The following PPP1CB variants were observed in gnomAD, a reference collection of about 807,000 sequenced individuals.
The protein encoded by PPP1CB is serine/threonine-protein phosphatase PP1-beta catalytic subunit.
PPP1CB carries 2 observed loss-of-function variants against 43.7 expected under a neutral mutation model. The observed-to-expected ratio is 0.05, with a 90% CI of 0.02 to 0.14. The LOEUF is 0.14. Among genes scored for constraint, PPP1CB ranks in the 10% least tolerant of loss-of-function variants. PPP1CB has a pLI of 1.00. For synonymous variants in PPP1CB, 136 were observed against 135.6 expected, an observed-to-expected ratio of 1.00 and a Z score of -0.02; for missense variants, 84 against 398.0, an observed-to-expected ratio of 0.21 and a Z score of 6.71.
At chr2:28,791,619 C>T (rs575830745) in intron 6 of PPP1CB, among the ~76,000 whole-genome samples, 4 of 152,238 alleles carry the variant, frequency 2.6e-5, no homozygotes, top group Admixed American at 2.6e-4. Context: ...CGAGCCACCT[C>T]GCCCGGCCTG....
chr2:28,796,493 C>A (rs996524811), intron 7 of PPP1CB, among the ~76,000 whole-genome samples: 4 of 152,016 alleles, frequency 2.6e-5, no homozygotes, highest in African/African-American at 9.7e-5. Context: ...TTGTAGAGAT[C>A]TTTCACCTCC....
chr2:28,777,787 G>A (rs1667072868), intron 2 of PPP1CB, among the ~76,000 whole-genome samples: 1 of 152,144 alleles, frequency 6.6e-6, no homozygotes, highest in Admixed American at 6.5e-5. Flanking sequence ...TGAGTAGCTG[G>A]GATTACAGGT....
At chr2:28,761,377 G>T (rs1395896251) in intron 1 of PPP1CB, among the ~76,000 whole-genome samples, 1 of 152,174 alleles carries the variant, frequency 6.6e-6, no homozygotes, top group Non-Finnish European at 1.5e-5. Flanking sequence ...AATAAGTATT[G>T]ATACATTGGG....
At chr2:28,773,094 C>T (rs1666948533) in intron 1 of PPP1CB, among the ~76,000 whole-genome samples, 1 of 152,172 alleles carries the variant, frequency 6.6e-6, no homozygotes, top group African/African-American at 2.4e-5. Flanking sequence ...TTGCAGGAAG[C>T]ATTCTGTACC....
At position 28,752,145 on chromosome 2, in the gene PPP1CB, C is replaced by T. The variant is rs1407095225; in HGVS notation, c.21C>T (p.Asn7=). 1.3e-6 allele frequency: 2 copies of T among 1,549,272 alleles called. No homozygotes were observed. Among genetic ancestry groups the T allele is most frequent in the African/African-American group, 1.4e-5 (1 of 72,768 alleles). MADGEL[N]VDSLITRLLE... ...ACAAGATGGCGGACGGGGAGCTGAA[C>T]GTGGACAGCCTCATCACCCGGCTGC... is the stretch of plus-strand genomic sequence containing the variant. Residue 7 remains asparagine, a synonymous_variant, in exon 1 of 8, where the codon AAC becomes AAT. Transcript: ENST00000395366.
intron 1 of PPP1CB, among the ~76,000 whole-genome samples, chr2:28,755,815 A>G (rs1179934681): frequency 1.3e-5 from 2 of 152,190 alleles, no homozygotes; most frequent in Non-Finnish European, 2.9e-5. Flanking sequence ...GTTCCCAACC[A>G]CAGTCTTGAT....
At chr2:28,754,087 T>C (rs1007580400) in intron 1 of PPP1CB, among the ~76,000 whole-genome samples, 1 of 152,214 alleles carries the variant, frequency 6.6e-6, no homozygotes, top group South Asian at 2.1e-4. Flanking sequence ...TTTAAAAATA[T>C]GTTTGTATCT....
chr2:28,752,521 C>T (rs976164875), intron 1 of PPP1CB, among the ~76,000 whole-genome samples: 7 of 152,166 alleles, frequency 4.6e-5, no homozygotes, highest in African/African-American at 1.7e-4. Flanking sequence ...TCCGGTGACC[C>T]GAGGATGGGG....
At chr2:28,771,135 C>T (rs987953383) in intron 1 of PPP1CB, among the ~76,000 whole-genome samples, 1 of 147,546 alleles carries the variant, frequency 6.8e-6, no homozygotes, top group African/African-American at 2.5e-5. Context: ...CTCACTGCCA[C>T]CTCTGTCTCT....
At chr2:28,798,260 A>T (rs1667537178) in intron 7 of PPP1CB, among the ~76,000 whole-genome samples, 1 of 152,128 alleles carries the variant, frequency 6.6e-6, no homozygotes, top group Admixed American at 6.5e-5. Flanking sequence ...AGACTGTATC[A>T]AGTTTTGGCA....
At chr2:28,765,791 A>G (rs188348822) in intron 1 of PPP1CB, among the ~76,000 whole-genome samples, 8 of 152,208 alleles carry the variant, frequency 5.3e-5, no homozygotes, top group East Asian at 3.9e-4. Flanking sequence ...GCATGTGCCT[A>G]TAGTCCCAGC....
intron 1 of PPP1CB, among the ~76,000 whole-genome samples, chr2:28,763,456 A>AG (rs1444080303): frequency 1.3e-5 from 2 of 151,572 alleles, no homozygotes; most frequent in Non-Finnish European, 2.9e-5. Flanking sequence ...CAGTGGAAAA[A>AG]AAAAAAGTCC....
chr2:28,794,170 C>G (rs193278667), intron 7 of PPP1CB, among the ~76,000 whole-genome samples, 173 bp downstream of exon 7: 14 of 152,332 alleles, frequency 9.2e-5, no homozygotes, highest in Admixed American at 3.9e-4. Context: ...AAGTTTCCAG[C>G]ATTTGTGGTA....
Position 28,760,257 on chromosome 2 carries a change from G to A in PPP1CB, c.52+8081G>A, listed in dbSNP as rs1359590208. On this transcript the variant is annotated intron_variant, in intron 1 of 7. Transcript: ENST00000395366. ...GATATGCTTTTGTTTTAAGCTAATC[G>A]TTACTAGAAAATTCAAAATGTTTAA... 2.6e-5 allele frequency among the ~76,000 whole-genome samples: 4 copies of A among 152,116 alleles called. No homozygotes were observed. The South Asian group carries it at 6.2e-4, about 24-fold the overall frequency.
chr2:28,772,404 A>C (rs760008350), intron 1 of PPP1CB, among the ~76,000 whole-genome samples: 2 of 152,234 alleles, frequency 1.3e-5, no homozygotes, highest in Non-Finnish European at 2.9e-5. Flanking sequence ...AATTAAAAAT[A>C]CTGATAATTT....
Position 28,799,414 on chromosome 2 carries a change from C to A in PPP1CB, c.*111C>A. Reference sequence around the variant, plus strand: ...ATTTGACACCCTTTATGATGTCACACCTTTAACTTAAGGAGACGGGTAAAG... The same window carrying A: ...ATTTGACACCCTTTATGATGTCACAACTTTAACTTAAGGAGACGGGTAAAG... On this transcript the variant is annotated 3_prime_UTR_variant, in exon 8 of 8. Transcript: ENST00000395366. The A allele has an allele frequency of 1.3e-6, 1 of 793,654 alleles. No homozygotes were observed. Among genetic ancestry groups the A allele is most frequent in the Non-Finnish European group, 2.0e-6 (1 of 500,778 alleles). The allele number at this position is 793,654 out of a possible 1,614,324, so 49.2% of individuals were successfully genotyped here.
intron 2 of PPP1CB, chr2:28,777,408 G>A (rs1270900118): frequency 6.5e-6 from 1 of 152,960 alleles, no homozygotes; most frequent in African/African-American, 2.4e-5. Flanking sequence ...GTTTAGTGTT[G>A]TCAAGGATGT....
Position 28,751,858 on chromosome 2 carries a change from A to AGGTGGC in PPP1CB, c.-264_-259dup, listed in dbSNP as rs2148448745. ...GAGCTGGGCGGTGCCGAGGAGGAGG[A>AGGTGGC]GGTGGCGGCCTGGGTCTGACGCGGC... On this transcript the variant is annotated 5_prime_UTR_variant, in exon 1 of 8. Transcript: ENST00000395366. The AGGTGGC allele has an allele frequency of 1.9e-6, 1 of 520,706 alleles. No homozygotes were observed. The highest frequency in any genetic ancestry group is 2.0e-5 in the African/African-American group (1 of 50,566). 32.3% of individuals were successfully genotyped at this position (520,706 alleles called of 1,614,324 possible). A position where few individuals can be genotyped will look rare whatever the true frequency, so the allele number is the denominator to read the frequency against.
At chr2:28,795,415 T>A (rs1355228866) in intron 7 of PPP1CB, among the ~76,000 whole-genome samples, 2 of 152,226 alleles carry the variant, frequency 1.3e-5, no homozygotes, top group African/African-American at 2.4e-5. Flanking sequence ...CCACGGTGGC[T>A]GAACTAATTT....
Sources: allele counts gnomAD v4.1 joint callset (sites outside exome capture counted in the v4.1 genomes callset), GRCh38; gene constraint gnomAD v4.1.1; transcripts MANE v1.5; gene names NCBI Gene and HGNC (gene_info 2026-07-23, HGNC 2026-07-21).